Variants in NAALADL2 observed in about 807,000 individuals in gnomAD.
NAALADL2 encodes N-acetylated alpha-linked acidic dipeptidase like 2.
NAALADL2 carries 76 observed loss-of-function variants against 87.2 expected under a neutral mutation model. The ratio of observed to expected loss-of-function variants is 0.87; its 90% CI spans 0.72 to 1.05. NAALADL2 has a LOEUF of 1.05. Among genes scored for constraint, NAALADL2 ranks in the 50% least tolerant of loss-of-function variants. The pLI, the probability that NAALADL2 is intolerant of heterozygous loss-of-function variation, is 0.00. For missense variants in NAALADL2, 1,089 were observed against 945.8 expected (o/e 1.15, Z -1.99); for synonymous variants, 354 against 331.0 (o/e 1.07, Z -0.75).
chr3:175,536,063 C>A (rs1734774421), intron 9 of NAALADL2, among the ~76,000 whole-genome samples: 1 of 152,204 alleles, frequency 6.6e-6, no homozygotes, highest in African/African-American at 2.4e-5. Context: ...TCACAACCAT[C>A]TGCACATGGG....
chr3:175,238,615 A>G (rs1352855175), intron 3 of NAALADL2, among the ~76,000 whole-genome samples: 1 of 152,184 alleles, frequency 6.6e-6, no homozygotes. Flanking sequence ...CAGTATTATA[A>G]TTTTCAAAAG....
intron 9 of NAALADL2, among the ~76,000 whole-genome samples, chr3:175,527,176 T>A (rs1429748697): frequency 6.6e-6 from 1 of 152,140 alleles, no homozygotes; most frequent in Non-Finnish European, 1.5e-5. Flanking sequence ...TGGATTGGTG[T>A]TTGCCCTCAA....
At chr3:175,600,363 A>G (rs938986769) in intron 10 of NAALADL2, among the ~76,000 whole-genome samples, 1 of 151,882 alleles carries the variant, frequency 6.6e-6, no homozygotes, top group Admixed American at 6.6e-5. Flanking sequence ...CTTTTAAGGT[A>G]TAAACTATCA....
rs538564833 is a variant in NAALADL2 at position 175,254,118 on chromosome 3, C to T, written c.820-2293C>T. Reference sequence around the variant, plus strand: ...AAGAAGTTCTATTTTGGGTAAAATGCTATCAAACAGCATGTCATGAGAGAT... The same window carrying T: ...AAGAAGTTCTATTTTGGGTAAAATGTTATCAAACAGCATGTCATGAGAGAT... On this transcript the variant is annotated intron_variant, in intron 3 of 13. Coordinates refer to ENST00000454872, the MANE Select transcript of NAALADL2 (RefSeq NM_207015.3). Among the ~76,000 whole-genome samples the T allele has an allele frequency of 2.6e-5, 4 of 152,022 alleles. No individual in the cohort carries two copies. The South Asian group carries it at 8.3e-4, about 32-fold the overall frequency.
intron 11 of NAALADL2, among the ~76,000 whole-genome samples, chr3:175,631,258 G>A (rs989569287): frequency 6.6e-6 from 1 of 151,424 alleles, no homozygotes; most frequent in Non-Finnish European, 1.5e-5. Context: ...TTATTTTATC[G>A]TTTGTATAAA....
At chr3:175,322,940 G>A (rs1760111003) in intron 4 of NAALADL2, among the ~76,000 whole-genome samples, 1 of 151,602 alleles carries the variant, frequency 6.6e-6, no homozygotes, top group African/African-American at 2.4e-5. Context: ...CGATTCCTCG[G>A]GGATCTAGAA....
chr3:174,983,011 G>A (rs1193244242), intron 1 of NAALADL2, among the ~76,000 whole-genome samples: 1 of 152,146 alleles, frequency 6.6e-6, no homozygotes, highest in Non-Finnish European at 1.5e-5. Context: ...TGTTAGCCAG[G>A]ATGGTCTCGA....
chr3:174,898,538 T>C (rs1392051465), intron 1 of NAALADL2, among the ~76,000 whole-genome samples: 2 of 152,196 alleles, frequency 1.3e-5, no homozygotes, highest in African/African-American at 4.8e-5. Context: ...GATAAATGCT[T>C]GAGGAGATGG....
intron 2 of NAALADL2, chr3:174,550,723 T>G (rs1445272473): frequency 2.6e-5 from 4 of 152,026 alleles, no homozygotes; most frequent in Non-Finnish European, 4.4e-5. Flanking sequence ...AGGAAATGTT[T>G]AAAGTATGCT....
At chr3:174,743,723 A>G (rs939492692) in intron 3 of NAALADL2, among the ~76,000 whole-genome samples, 3 of 151,886 alleles carry the variant, frequency 2.0e-5, no homozygotes, top group African/African-American at 7.2e-5. Flanking sequence ...TTGAAAGTCA[A>G]TTATGACTGG....
chr3:175,239,519 T>G (rs1366736140), intron 3 of NAALADL2, among the ~76,000 whole-genome samples: 2 of 152,244 alleles, frequency 1.3e-5, no homozygotes, highest in Non-Finnish European at 2.9e-5. Flanking sequence ...AGATTGGTTC[T>G]GCCAAGTTGT....
rs567088086 is a variant in NAALADL2 at position 174,525,317 on chromosome 3, C to T, written c.-183-25252C>T. 2.6e-5 allele frequency among the ~76,000 whole-genome samples: 4 copies of T among 152,310 alleles called. No homozygotes were observed. In the East Asian group the frequency reaches 5.8e-4, roughly 22 times the overall value. On this transcript the variant is annotated intron_variant, in intron 1 of 3. Transcript: ENST00000434257. ...ATAAAGAAAAGAGGTTTAGTTGGCT[C>T]ACCATTCTGCAGGCTGTACGGGAAG...
At chr3:174,587,541 TC>T (rs1245451383) in intron 2 of NAALADL2, among the ~76,000 whole-genome samples, 1 of 152,208 alleles carries the variant, frequency 6.6e-6, no homozygotes, top group Non-Finnish European at 1.5e-5. Context: ...GTTTAGTGCT[TC>T]CTTCAGGAGC....
At chr3:174,602,183 G>A (rs1459989584) in intron 2 of NAALADL2, among the ~76,000 whole-genome samples, 1 of 151,962 alleles carries the variant, frequency 6.6e-6, no homozygotes, top group Non-Finnish European at 1.5e-5. Flanking sequence ...TTTGAAAGGG[G>A]TTGCATTAAA....
rs145076372 is a variant in NAALADL2, at chr3:175,660,853, C to A, written c.1896+33467C>A. The stretch of plus-strand genomic sequence containing the variant: ...TGACAGGATTTCATTCTTTTTATGG[C>A]TAAATAATATTTCACTGTGTATATA... On this transcript the variant is annotated intron_variant, in intron 11 of 13. Coordinates refer to ENST00000454872, the MANE Select transcript of NAALADL2 (RefSeq NM_207015.3). 5.3e-3 allele frequency among the ~76,000 whole-genome samples: 799 copies of A among 152,126 alleles called. 7 individuals carry two copies. The highest frequency in any genetic ancestry group is 0.018 in the African/African-American group (763 of 41,510).
chr3:175,062,813 A>T (rs1215411182), intron 1 of NAALADL2, among the ~76,000 whole-genome samples: 1 of 152,180 alleles, frequency 6.6e-6, no homozygotes, highest in Non-Finnish European at 1.5e-5. Context: ...AATTGTATTT[A>T]GCAAGCACTC....
At chr3:175,720,892 G>A (rs995222941) in intron 11 of NAALADL2, among the ~76,000 whole-genome samples, 2 of 152,078 alleles carry the variant, frequency 1.3e-5, no homozygotes, top group Non-Finnish European at 2.9e-5. Context: ...CCACTTACAG[G>A]CTTTCACTGA....
chr3:174,943,324 G>C (rs994363817), intron 1 of NAALADL2, among the ~76,000 whole-genome samples: 21 of 152,132 alleles, frequency 1.4e-4, no homozygotes, highest in African/African-American at 5.1e-4. Flanking sequence ...TGAGGTTGAA[G>C]CTTTGGGGTA....
intron 3 of NAALADL2, among the ~76,000 whole-genome samples, chr3:174,789,915 T>G (rs1717256297): frequency 6.6e-6 from 1 of 152,206 alleles, no homozygotes; most frequent in African/African-American, 2.4e-5. Flanking sequence ...AGCCTGACTC[T>G]GGAAGCATTA....
Sources: allele counts gnomAD v4.1 joint callset (sites outside exome capture counted in the v4.1 genomes callset), GRCh38; gene constraint gnomAD v4.1.1; transcripts MANE v1.5; gene names NCBI Gene and HGNC (gene_info 2026-07-23, HGNC 2026-07-21).